NRXN3: variants seen among roughly 807,000 people sequenced by gnomAD.
The protein encoded by NRXN3 is neurexin 3, also known as neurexin III.
A neutral mutation model predicts 137.6 loss-of-function variants in NRXN3; 32 were observed. That is an observed-to-expected ratio of 0.23 (90% CI 0.18 to 0.31). NRXN3 has a LOEUF of 0.31. Among genes scored for constraint, NRXN3 ranks in the 10% least tolerant of loss-of-function variants. NRXN3 has a pLI of 1.00. For missense variants in NRXN3, 1,574 were observed against 2,062.5 expected (o/e 0.76, Z 4.59); for synonymous variants, 798 against 784.5 (o/e 1.02, Z -0.29).
chr14:79,611,946 T>C (rs1417196955), intron 16 of NRXN3: 1 of 152,238 alleles, frequency 6.6e-6, no homozygotes, highest in Non-Finnish European at 1.5e-5. Context: ...TTCTTTGACA[T>C]TAATTATTAA....
chr14:78,578,332 T>A (rs956056899), intron 4 of NRXN3, among the ~76,000 whole-genome samples: 2 of 152,168 alleles, frequency 1.3e-5, no homozygotes, highest in African/African-American at 4.8e-5. Context: ...TTGATCAAAT[T>A]TCTTGCTATG....
chr14:79,832,503 C>G (rs2099326973), intron 20 of NRXN3, among the ~76,000 whole-genome samples: 1 of 152,048 alleles, frequency 6.6e-6, no homozygotes, highest in South Asian at 2.1e-4. Context: ...ACTTTTGTCC[C>G]CAGGGGACAT....
chr14:79,229,036 G>T (rs996625780), intron 15 of NRXN3, among the ~76,000 whole-genome samples: 1 of 152,112 alleles, frequency 6.6e-6, no homozygotes, highest in African/African-American at 2.4e-5. Flanking sequence ...TTAAGGAAGA[G>T]ATTTAAAATC....
chr14:79,065,864 G>A (rs1846909013), intron 15 of NRXN3, among the ~76,000 whole-genome samples: 1 of 151,970 alleles, frequency 6.6e-6, no homozygotes, highest in Non-Finnish European at 1.5e-5. Context: ...TGTTACCTAG[G>A]TAAACGTGTG....
intron 4 of NRXN3, among the ~76,000 whole-genome samples, chr14:78,412,510 A>G (rs73327200): frequency 0.025 from 3,805 of 152,272 alleles, 132 homozygotes; most frequent in African/African-American, 0.082. Context: ...GGCATTTGCT[A>G]TGTGCCAGGT....
intron 15 of NRXN3, among the ~76,000 whole-genome samples, chr14:79,416,140 G>GT (rs1420462663): frequency 6.6e-6 from 1 of 152,070 alleles, no homozygotes; most frequent in Non-Finnish European, 1.5e-5. Context: ...CAATCCTGAT[G>GT]TACCCAACAC....
intron 4 of NRXN3, among the ~76,000 whole-genome samples, chr14:78,491,717 A>C (rs1273355677): frequency 6.6e-6 from 1 of 152,142 alleles, no homozygotes; most frequent in Non-Finnish European, 1.5e-5. Flanking sequence ...CCCCACCTCC[A>C]AACCAAACAC....
intron 4 of NRXN3, among the ~76,000 whole-genome samples, chr14:78,325,919 C>G (rs1280518969): frequency 6.6e-6 from 1 of 152,182 alleles, no homozygotes; most frequent in Non-Finnish European, 1.5e-5. Flanking sequence ...ACATCTCACT[C>G]TATAGACTTA....
chr14:79,717,654 G>A (rs1449866275), intron 19 of NRXN3, among the ~76,000 whole-genome samples: 1 of 152,138 alleles, frequency 6.6e-6, no homozygotes, highest in Non-Finnish European at 1.5e-5. Flanking sequence ...TGCTCCGTGG[G>A]CTCTTTAGAA....
rs1255700084 is a variant in NRXN3 at position 79,867,102 on chromosome 14, G to A, written c.*5138G>A. On this transcript the variant is annotated 3_prime_UTR_variant, in exon 21 of 21. Coordinates refer to ENST00000335750, the MANE Select transcript of NRXN3 (RefSeq NM_001330195.2). ...TTATTACAAAGAAAACAGACCCGAA[G>A]AACTTAAATGACTTCTCCAAGGTCA... 6.6e-6 allele frequency: 1 copy of A among 152,156 alleles called. No individual in the cohort carries two copies. Among genetic ancestry groups the A allele is most frequent in the Non-Finnish European group, 1.5e-5 (1 of 68,032 alleles). The allele number at this position is 152,156 out of a possible 1,614,324, so 9.4% of individuals were successfully genotyped here.
intron 4 of NRXN3, among the ~76,000 whole-genome samples, chr14:78,533,715 G>A (rs754763566): frequency 1.2e-4 from 18 of 152,098 alleles, no homozygotes; most frequent in Admixed American, 3.3e-4. Flanking sequence ...AAATCAGCTC[G>A]ATATCATCTC....
chr14:79,379,408 T>A (rs1204729405), intron 15 of NRXN3, among the ~76,000 whole-genome samples: 3 of 152,122 alleles, frequency 2.0e-5, no homozygotes, highest in Non-Finnish European at 4.4e-5. Context: ...GTATTGAGGT[T>A]GATAGCTTCT....
rs762551784 is a variant in NRXN3, at chr14:78,645,238, T to A, written c.876T>A (p.Arg292=). The change falls in exon 5 of 21, where the codon CGT becomes CGA. Residue 292 remains arginine (R), a synonymous_variant. Coordinates refer to ENST00000335750, the MANE Select transcript of NRXN3 (RefSeq NM_001330195.2). ...CCCTCTCCTTTAAGACCTGGCAGCG[T>A]AACGGCCTCATCCTGCACACGGGCA... ...EITLSFKTWQ[R]NGLILHTGKS... The A allele has an allele frequency of 6.3e-7, 1 of 1,598,820 alleles. No individual in the cohort carries two copies. The highest frequency in any genetic ancestry group is 8.5e-7 in the Non-Finnish European group (1 of 1,179,792).
In NRXN3 at chr14:78,694,364, G is replaced by T. The variant is rs540365241; in HGVS notation, c.1222-14853G>T. 1.3e-4 allele frequency among the ~76,000 whole-genome samples: 20 copies of T among 151,976 alleles called. No individual in the cohort carries two copies. The South Asian group carries it at 4.2e-3, about 32-fold the overall frequency. On this transcript the variant is annotated intron_variant, in intron 6 of 20. Coordinates refer to ENST00000335750, the MANE Select transcript of NRXN3 (RefSeq NM_001330195.2). ...TAAGTTATTTTAGGGAAGGGCCAAT[G>T]ACTCTTTTCTGCTTGTAGGCTCCAC...
At chr14:78,440,929 C>T (rs545461304) in intron 4 of NRXN3, among the ~76,000 whole-genome samples, 1 of 152,300 alleles carries the variant, frequency 6.6e-6, no homozygotes, top group South Asian at 2.1e-4. Flanking sequence ...TTTCAATTAA[C>T]TGGGTCCAAC....
chr14:79,503,356 T>C (rs1447116655), intron 16 of NRXN3, among the ~76,000 whole-genome samples: 3 of 152,152 alleles, frequency 2.0e-5, no homozygotes, highest in South Asian at 2.1e-4. Context: ...ACAGATCTTC[T>C]TGAAGCAAAT....
intron 15 of NRXN3, among the ~76,000 whole-genome samples, chr14:79,031,018 C>T (rs1241753508): frequency 6.6e-6 from 1 of 152,048 alleles, no homozygotes; most frequent in Non-Finnish European, 1.5e-5. Flanking sequence ...CCTTTTTCCT[C>T]TATTGACTTC....
intron 15 of NRXN3, among the ~76,000 whole-genome samples, chr14:79,039,961 C>T (rs10139452): frequency 0.32 from 49,240 of 152,118 alleles, 8,544 homozygotes; most frequent in Admixed American, 0.47. Context: ...GCCTCAGCCT[C>T]CCAAAGTGCT....
chr14:79,848,613 AT>A (rs2099385448), intron 20 of NRXN3, among the ~76,000 whole-genome samples: 1 of 152,138 alleles, frequency 6.6e-6, no homozygotes, highest in African/African-American at 2.4e-5. Context: ...ACATAAAAAA[AT>A]CATCTGTGTA....
Sources: allele counts gnomAD v4.1 joint callset (sites outside exome capture counted in the v4.1 genomes callset), GRCh38; gene constraint gnomAD v4.1.1; transcripts MANE v1.5; gene names NCBI Gene and HGNC (gene_info 2026-07-23, HGNC 2026-07-21).